TRPM3: variants seen among roughly 807,000 people sequenced by gnomAD.
TRPM3 encodes the protein long transient receptor potential channel 3.
In TRPM3, 77 loss-of-function variants were observed where a neutral mutation model predicts 181.2. The ratio of observed to expected loss-of-function variants is 0.42; its 90% confidence interval spans 0.35 to 0.51. The LOEUF is 0.51. Ranked by LOEUF, TRPM3 falls within the 20% of genes least tolerant of loss-of-function variation. The pLI is 0.01. For synonymous variants in TRPM3, 745 were observed against 796.4 expected (o/e 0.94, Z 1.09); for missense variants, 1,759 against 2,196.7 (o/e 0.80, Z 3.98).
intron 9 of TRPM3, among the ~76,000 whole-genome samples, chr9:70,664,641 G>GTTTTTTTTTT (rs71367210): frequency 3.0e-5 from 3 of 100,218 alleles, no homozygotes; most frequent in African/African-American, 7.2e-5. Flanking sequence ...TAGGAGAGTA[G>GTTTTTTTTTT]TTTTTTTTTT....
At chr9:70,592,892 G>A (rs552302224) in intron 21 of TRPM3, among the ~76,000 whole-genome samples, 18 of 152,050 alleles carry the variant, frequency 1.2e-4, no homozygotes, top group East Asian at 3.9e-4. Context: ...ACCATGCCCC[G>A]CTAATTTTTT....
chr9:70,862,590 C>A (rs1355419676), intron 3 of TRPM3, among the ~76,000 whole-genome samples: 2 of 151,504 alleles, frequency 1.3e-5, no homozygotes, highest in African/African-American at 2.4e-5. Flanking sequence ...TGGATGAGAC[C>A]CAGAAAATGA....
At chr9:71,089,303 T>C (rs1022090027) in intron 1 of TRPM3, among the ~76,000 whole-genome samples, 12 of 151,060 alleles carry the variant, frequency 7.9e-5, no homozygotes, top group African/African-American at 2.9e-4. Context: ...AAAAGTGTTT[T>C]ATAAGCTCCA....
intron 1 of TRPM3, among the ~76,000 whole-genome samples, chr9:71,235,181 C>T (rs1209072017): frequency 2.6e-5 from 4 of 152,238 alleles, no homozygotes; most frequent in East Asian, 3.9e-4. Context: ...TGTTCTTCTG[C>T]TATATTGCAG....
chr9:71,210,830 TTCCAGTGAGGGTTC>T (rs1194665893), intron 1 of TRPM3, among the ~76,000 whole-genome samples: 1 of 152,176 alleles, frequency 6.6e-6, no homozygotes, highest in Non-Finnish European at 1.5e-5. Flanking sequence ...CCAATTCAGT[TTCCAGTGAGGGTTC>T]TCTTACTGCT....
chr9:71,020,294 C>T (rs2134491124), intron 1 of TRPM3, among the ~76,000 whole-genome samples: 1 of 151,942 alleles, frequency 6.6e-6, no homozygotes, highest in South Asian at 2.1e-4. Context: ...AAATGAGACC[C>T]TGTCTCTACA....
intron 1 of TRPM3, among the ~76,000 whole-genome samples, chr9:70,869,792 CA>C (rs2095750067): frequency 6.6e-6 from 1 of 151,954 alleles, no homozygotes; most frequent in African/African-American, 2.4e-5. Context: ...GGATGCAGAT[CA>C]AAAGTTGTGA....
In TRPM3 at chr9:70,743,104, C is replaced by G. The variant is rs181058223; in HGVS notation, c.1272+18497G>C. Among the ~76,000 whole-genome samples, 3 of 152,280 alleles carry G rather than the reference C, an allele frequency of 2.0e-5. No homozygotes were observed. In the East Asian group the frequency reaches 5.8e-4, roughly 29 times the overall value. On this transcript the variant is annotated intron_variant, in intron 8 of 25. Coordinates refer to ENST00000677713, the MANE Select transcript of TRPM3 (RefSeq NM_001366145.2). ...AGAGAACACTATGAACAAAGTCACA[C>G]AGGTGGGATATTCACAGATTTTTCA...
intron 22 of TRPM3, among the ~76,000 whole-genome samples, chr9:70,565,980 G>A (rs1466594282): frequency 6.6e-6 from 1 of 152,150 alleles, no homozygotes; most frequent in Non-Finnish European, 1.5e-5. Flanking sequence ...AGGTATTTAT[G>A]GAGCCCCTAT....
intron 22 of TRPM3, among the ~76,000 whole-genome samples, chr9:70,554,287 C>T (rs530853501): frequency 6.6e-6 from 1 of 152,254 alleles, no homozygotes; most frequent in South Asian, 2.1e-4. Flanking sequence ...CCCTCCTCTC[C>T]AGCCCCCTAT....
chr9:71,027,320 A>G (rs1332974773), intron 1 of TRPM3, among the ~76,000 whole-genome samples: 2 of 152,184 alleles, frequency 1.3e-5, no homozygotes, highest in African/African-American at 2.4e-5. Context: ...AAATCCATCC[A>G]AAGGACAGCA....
intron 7 of TRPM3, among the ~76,000 whole-genome samples, chr9:70,769,565 C>T (rs1280658893): frequency 1.3e-5 from 2 of 151,824 alleles, no homozygotes; most frequent in African/African-American, 4.8e-5. Flanking sequence ...TTTAATCATC[C>T]CACAATGTAA....
At chr9:71,031,987 T>TA (rs1449230338) in intron 1 of TRPM3, among the ~76,000 whole-genome samples, 8 of 240 alleles carry the variant, frequency 0.033, no homozygotes, top group Admixed American at 0.15. Flanking sequence ...TATATATATA[T>TA]TATATATATA....
Position 70,536,127 on chromosome 9 carries a change from G to A in TRPM3, c.4986C>T (p.Thr1662=), listed in dbSNP as rs1314658774. ...TGTCACTGATGGAGAAGCTCTTCCT[G>A]GTGTGTGCATATGGCGCACTTGGCT... ...AEEPSAPYAH[T]RKSFSISDKL... is the part of the protein sequence containing the mutation. The change falls in exon 26 of 26, where the codon ACC becomes ACT. Residue 1662 remains threonine (T), a synonymous_variant. Transcript: ENST00000677713. 2.5e-6 allele frequency: 4 copies of A among 1,614,200 alleles called. No homozygotes were observed. Among genetic ancestry groups the A allele is most frequent in the Non-Finnish European group, 3.4e-6 (4 of 1,180,028 alleles).
At chr9:70,624,128 C>T (rs921783049) in intron 14 of TRPM3, among the ~76,000 whole-genome samples, 2 of 152,084 alleles carry the variant, frequency 1.3e-5, no homozygotes, top group Non-Finnish European at 2.9e-5. Flanking sequence ...AGACATTTCC[C>T]ATGAGATAGA....
At chr9:71,289,495 A>G (rs1352044286) in intron 1 of TRPM3, among the ~76,000 whole-genome samples, 1 of 152,186 alleles carries the variant, frequency 6.6e-6, no homozygotes, top group African/African-American at 2.4e-5. Context: ...TACAAAATAT[A>G]AAACAGAAGC....
chr9:70,648,074 G>T (rs550252373), intron 9 of TRPM3, among the ~76,000 whole-genome samples: 2 of 152,258 alleles, frequency 1.3e-5, no homozygotes, highest in Admixed American at 1.3e-4. Context: ...AACATTACAT[G>T]CTCATGGATA....
chr9:71,289,058 T>G (rs2085549201), intron 1 of TRPM3, among the ~76,000 whole-genome samples: 1 of 152,088 alleles, frequency 6.6e-6, no homozygotes, highest in African/African-American at 2.4e-5. Flanking sequence ...GTAATGGACG[T>G]GTAGCACCTC....
At chr9:71,300,425 C>T (rs1369700000) in intron 1 of TRPM3, among the ~76,000 whole-genome samples, 1 of 152,002 alleles carries the variant, frequency 6.6e-6, no homozygotes. Flanking sequence ...TCTGTTAGTG[C>T]CTTCCTAAGC....
Sources: gnomAD v4.1 joint callset for allele counts (sites outside exome capture counted in the v4.1 genomes callset) on GRCh38, gnomAD v4.1.1 for gene constraint, MANE v1.5 for transcripts, NCBI Gene and HGNC (gene_info 2026-07-23, HGNC 2026-07-21) for gene names.